MUC13: variants seen among roughly 807,000 people sequenced by gnomAD.
MUC13 encodes mucin 13, cell surface associated.
In MUC13, 32 loss-of-function variants were observed where a neutral mutation model predicts 48.3. The observed-to-expected ratio is 0.66, with a 90% CI of 0.50 to 0.89. MUC13 has a LOEUF of 0.89. Among genes scored for constraint, MUC13 ranks in the 40% least tolerant of loss-of-function variants. MUC13 has a pLI of 0.00. For missense variants in MUC13, 571 were observed against 622.8 expected, an observed-to-expected ratio of 0.92 and a Z score of 0.88; for synonymous variants, 199 against 224.9, an observed-to-expected ratio of 0.88 and a Z score of 1.03.
At chr3:124,934,536 G>A in intron 1 of MUC13, 125 bp downstream of exon 1, 1 of 684,174 alleles carries the variant, frequency 1.5e-6, no homozygotes, top group Non-Finnish European at 2.7e-6. Flanking sequence ...GAGCTGGAGA[G>A]GAAACTTCAT....
intron 6 of MUC13, among the ~76,000 whole-genome samples, chr3:124,914,622 C>A (rs1050336812): frequency 6.6e-6 from 1 of 151,938 alleles, no homozygotes; most frequent in Non-Finnish European, 1.5e-5. Flanking sequence ...CCACTGAAGC[C>A]GGAGAACAGG....
At chr3:124,911,959 A>C in intron 9 of MUC13, 145 bp downstream of exon 9, 1 of 1,132,790 alleles carries the variant, frequency 8.8e-7, no homozygotes, top group Non-Finnish European at 1.2e-6. Context: ...GGCAGGACCC[A>C]GAAGGCAAAC....
intron 10 of MUC13, among the ~76,000 whole-genome samples, chr3:124,909,153 C>CA (rs111883732): frequency 0.065 from 8,898 of 137,316 alleles, 372 homozygotes; most frequent in African/African-American, 0.13. Context: ...GACTCTGTCT[C>CA]AAAAAAAAAA....
chr3:124,916,586 G>T, intron 5 of MUC13, 106 bp from the exon 6 acceptor site: 1 of 1,236,856 alleles, frequency 8.1e-7, no homozygotes, highest in Non-Finnish European at 1.1e-6. Flanking sequence ...CTGACCCGCT[G>T]TCCTGTCCCT....
chr3:124,915,989 T>A lies in MUC13; in HGVS notation c.964+328A>T, dbSNP rs191664695. On this transcript the variant is annotated intron_variant, in intron 6 of 11. Transcript: ENST00000616727. ...CACCACACCCAGCCACAGGTAAAAT[T>A]TTCTGTAATCATTTGGAAATCTTTA... Among the ~76,000 whole-genome samples the A allele has an allele frequency of 4.3e-4, 66 of 152,290 alleles. 1 individual carries two copies. The East Asian group carries it at 8.1e-3, about 19-fold the overall frequency.
intron 5 of MUC13, among the ~76,000 whole-genome samples, chr3:124,918,733 C>T (rs1415157461): frequency 1.3e-5 from 2 of 152,212 alleles, no homozygotes; most frequent in Non-Finnish European, 2.9e-5. Context: ...TTTCACCATT[C>T]CTGTTTGTAT....
chr3:124,912,956 AAACT>A (rs1935448836), intron 8 of MUC13, among the ~76,000 whole-genome samples, 151 bp downstream of exon 8: 1 of 151,648 alleles, frequency 6.6e-6, no homozygotes, highest in South Asian at 2.1e-4. Flanking sequence ...AAAAAAAAAA[AAACT>A]ATTGATGATG....
At chr3:124,920,146 G>T in intron 5 of MUC13, 88 bp downstream of exon 5, 2 of 1,079,390 alleles carry the variant, frequency 1.9e-6, no homozygotes, top group Non-Finnish European at 2.8e-6. Flanking sequence ...TGCCACAGAG[G>T]GCCTTAATGT....
chr3:124,923,379 C>T lies in MUC13; in HGVS notation c.637+148G>A, dbSNP rs1015258598. 8.9e-6 allele frequency: 7 copies of T among 788,132 alleles called. No homozygotes were observed. In the African/African-American group the frequency reaches 1.1e-4, roughly 12 times the overall value. 48.8% of individuals were successfully genotyped at this position (788,132 alleles called of 1,614,324 possible). ...GCCTCAGTGTCCCTAGGTAACAGCA[C>T]TTTTCTCTACTTTGCTGGCCTTTGT... On this transcript the variant is annotated intron_variant, in intron 3 of 11. Coordinates refer to ENST00000616727, the MANE Select transcript of MUC13 (RefSeq NM_033049.4).
intron 6 of MUC13, among the ~76,000 whole-genome samples, chr3:124,915,269 C>T (rs1024152549): frequency 2.6e-5 from 4 of 152,194 alleles, no homozygotes; most frequent in African/African-American, 9.7e-5. Flanking sequence ...TTACTCACAC[C>T]TTTCTGTACC....
intron 5 of MUC13, among the ~76,000 whole-genome samples, chr3:124,916,692 A>G (rs1410604483): frequency 6.6e-6 from 1 of 152,332 alleles, no homozygotes; most frequent in East Asian, 1.9e-4. Context: ...GAGGAAACCT[A>G]TGGTGAAAAC....
At chr3:124,918,831 C>A (rs143446924) in intron 5 of MUC13, among the ~76,000 whole-genome samples, 2 of 152,248 alleles carry the variant, frequency 1.3e-5, no homozygotes, top group African/African-American at 4.8e-5. Context: ...AGCAGCTGTC[C>A]GCTGTACACC....
Position 124,934,732 on chromosome 3 carries a change from T to C in MUC13, c.-20A>G. On this transcript the variant is annotated 5_prime_UTR_variant, in exon 1 of 12. Coordinates refer to ENST00000616727, the MANE Select transcript of MUC13 (RefSeq NM_033049.4). ...TTTCATTTTAGCTGTTCTTGCTTGG[T>C]AATCTGAGGAGGAAATGATTTCCCT... 1 of 1,594,376 alleles carries C rather than the reference T, an allele frequency of 6.3e-7. No individual in the cohort carries two copies. Among genetic ancestry groups the C allele is most frequent in the Non-Finnish European group, 8.6e-7 (1 of 1,162,596 alleles).
intron 10 of MUC13, among the ~76,000 whole-genome samples, chr3:124,909,786 T>C (rs1264297599): frequency 6.6e-6 from 1 of 152,078 alleles, no homozygotes; most frequent in African/African-American, 2.4e-5. Flanking sequence ...CTGATGAAAA[T>C]TGTATTTGAC....
At chr3:124,933,307 A>C (rs942642532) in intron 1 of MUC13, among the ~76,000 whole-genome samples, 3 of 152,224 alleles carry the variant, frequency 2.0e-5, no homozygotes, top group African/African-American at 7.2e-5. Flanking sequence ...AGGAAATAAA[A>C]ATATTTCACC....
At chr3:124,908,022 T>C in intron 11 of MUC13, 125 bp downstream of exon 11, 1 of 894,938 alleles carries the variant, frequency 1.1e-6, no homozygotes, top group Non-Finnish European at 1.7e-6. Flanking sequence ...CTCTCTCTCT[T>C]TCAATTAAGA....
Position 124,934,690 on chromosome 3 carries a change from G to A in MUC13, c.23C>T (p.Thr8Ile). 16 of 1,610,544 alleles carry A rather than the reference G, an allele frequency of 9.9e-6. No individual in the cohort carries two copies. The highest frequency in any genetic ancestry group is 1.4e-5 in the Non-Finnish European group (16 of 1,176,900). ...GTTTACAGAAAGGAGAGCAAGAAGA[G>A]TAAGATGAATGATGGCTTTCATTTT... Reference protein sequence around the residue: MKAIIHLTLLALLSVNTA... With the variant: MKAIIHLILLALLSVNTA... The change falls in exon 1 of 12, where the codon ACT becomes ATT. Residue 8 changes from threonine (T) to isoleucine (I), a missense_variant. Physicochemically the swap from Thr to Ile is moderately conservative, Grantham distance 89 (BLOSUM62 -1). Coordinates refer to ENST00000616727, the MANE Select transcript of MUC13 (RefSeq NM_033049.4).
chr3:124,912,289 T>C (rs976068223), intron 8 of MUC13, 148 bp from the exon 9 acceptor site: 33 of 1,196,528 alleles, frequency 2.8e-5, no homozygotes, highest in Non-Finnish European at 3.6e-5. Context: ...TTGCCTTCCT[T>C]ACACTCTCAT....
At chr3:124,931,446 C>G (rs1338028321) in intron 1 of MUC13, among the ~76,000 whole-genome samples, 1 of 147,472 alleles carries the variant, frequency 6.8e-6, no homozygotes. Flanking sequence ...AAAAAAAAAG[C>G]AACTTTTTAA....
Sources: allele counts gnomAD v4.1 joint callset (sites outside exome capture counted in the v4.1 genomes callset), GRCh38; gene constraint gnomAD v4.1.1; transcripts MANE v1.5; gene names NCBI Gene and HGNC (gene_info 2026-07-23, HGNC 2026-07-21).